Variants in ADGRB3 observed in about 807,000 individuals in gnomAD.
ADGRB3 encodes the protein adhesion G protein-coupled receptor B3.
ADGRB3 carries 37 observed loss-of-function variants against 193.4 expected under a neutral mutation model. The ratio of observed to expected loss-of-function variants is 0.19; its 90% CI spans 0.15 to 0.25. ADGRB3 has a LOEUF of 0.25. Among genes scored for constraint, ADGRB3 ranks in the 10% least tolerant of loss-of-function variants. The probability of loss-of-function intolerance (pLI) is 1.00; values close to 1 mark genes in which losing one functional copy is unlikely to be tolerated. For missense variants in ADGRB3, 1,637 were observed against 1,852.9 expected (o/e 0.88, Z 2.14); for synonymous variants, 690 against 644.2 (o/e 1.07, Z -1.08).
chr6:69,313,686 A>G (rs1768247305), intron 20 of ADGRB3, among the ~76,000 whole-genome samples: 1 of 151,816 alleles, frequency 6.6e-6, no homozygotes, highest in Non-Finnish European at 1.5e-5. Context: ...CTCTACAGAT[A>G]AAGAACATAG....
intron 3 of ADGRB3, among the ~76,000 whole-genome samples, chr6:68,874,931 T>A (rs1765550165): frequency 1.3e-5 from 2 of 152,224 alleles, no homozygotes; most frequent in South Asian, 2.1e-4. Flanking sequence ...GCAAATGCTC[T>A]GGGTGCAGAT....
chr6:69,132,256 G>A (rs575860201), intron 17 of ADGRB3, among the ~76,000 whole-genome samples: 12 of 152,170 alleles, frequency 7.9e-5, no homozygotes, highest in South Asian at 4.1e-4. Context: ...GTGTAAAAGC[G>A]TTCCTATTTC....
chr6:69,202,232 T>G (rs1437494481), intron 17 of ADGRB3, among the ~76,000 whole-genome samples: 1 of 152,174 alleles, frequency 6.6e-6, no homozygotes, highest in Non-Finnish European at 1.5e-5. Flanking sequence ...AGGTTTCCAT[T>G]TGGCTTTTCA....
At chr6:69,050,175 G>T (rs749664458) in intron 15 of ADGRB3, among the ~76,000 whole-genome samples, 1 of 152,022 alleles carries the variant, frequency 6.6e-6, no homozygotes, top group Non-Finnish European at 1.5e-5. Flanking sequence ...GTTATACTGC[G>T]GACAAAACAA....
intron 3 of ADGRB3, among the ~76,000 whole-genome samples, chr6:68,674,750 G>A (rs552643845): frequency 2.2e-4 from 34 of 152,292 alleles, no homozygotes; most frequent in African/African-American, 7.5e-4. Flanking sequence ...GAAGAGAACG[G>A]CATTCATTTG....
At chr6:69,254,841 A>G (rs1006869389) in intron 20 of ADGRB3, among the ~76,000 whole-genome samples, 3 of 142,478 alleles carry the variant, frequency 2.1e-5, no homozygotes, top group East Asian at 2.2e-4. Flanking sequence ...ATATCTCCCA[A>G]TGCTATCCCT....
intron 3 of ADGRB3, among the ~76,000 whole-genome samples, chr6:68,676,502 C>G (rs1291711306): frequency 6.6e-6 from 1 of 151,658 alleles, no homozygotes; most frequent in Non-Finnish European, 1.5e-5. Context: ...ATGGTATTAT[C>G]GTTCCAGAAT....
Position 69,379,437 on chromosome 6 carries a change from C to T in ADGRB3, c.4276-3394C>T, listed in dbSNP as rs562620241. Among the ~76,000 whole-genome samples, 40 of 152,016 alleles carry T rather than the reference C, an allele frequency of 2.6e-4. No homozygotes were observed. In the South Asian group the frequency reaches 7.9e-3, roughly 30 times the overall value. On this transcript the variant is annotated intron_variant, in intron 30 of 31. Coordinates refer to ENST00000370598, the MANE Select transcript of ADGRB3 (RefSeq NM_001704.3). Reference sequence around the variant, plus strand: ...AGCATGAAAACTTCTAAGCAAGTGGCAACTCATTAGAAGCATCAGTGCTAC... The same window carrying T: ...AGCATGAAAACTTCTAAGCAAGTGGTAACTCATTAGAAGCATCAGTGCTAC...
intron 3 of ADGRB3, among the ~76,000 whole-genome samples, chr6:68,825,851 A>C (rs536008432): frequency 1.4e-4 from 21 of 152,202 alleles, no homozygotes; most frequent in Admixed American, 9.8e-4. Context: ...GGAACTGTGA[A>C]TCAATTAAAC....
At chr6:69,034,655 C>CAG (rs140883581) in intron 13 of ADGRB3, among the ~76,000 whole-genome samples, 6 of 147,552 alleles carry the variant, frequency 4.1e-5, no homozygotes, top group African/African-American at 1.3e-4. Context: ...TGGTGAGAGA[C>CAG]AGAGAGAGAG....
intron 16 of ADGRB3, among the ~76,000 whole-genome samples, chr6:69,072,547 T>A (rs1051257014): frequency 2.0e-5 from 3 of 152,174 alleles, no homozygotes; most frequent in African/African-American, 7.2e-5. Context: ...TTTTTTGTTG[T>A]GGCTTACTGT....
At chr6:68,779,228 T>TTGTGTGTGTGTG (rs758753009) in intron 3 of ADGRB3, among the ~76,000 whole-genome samples, 5 of 93,292 alleles carry the variant, frequency 5.4e-5, no homozygotes, top group African/African-American at 1.9e-4. Flanking sequence ...TATGTATATA[T>TTGTGTGTGTGTG]TATGTGTGTG....
chr6:68,940,546 A>AATTTT (rs1199654794), intron 5 of ADGRB3, among the ~76,000 whole-genome samples: 2 of 21,844 alleles, frequency 9.2e-5, no homozygotes, highest in South Asian at 1.6e-3. Context: ...ATGCTTTTGA[A>AATTTT]CTTTTTTTTT....
At chr6:69,195,474 T>C (rs1765275872) in intron 17 of ADGRB3, among the ~76,000 whole-genome samples, 1 of 144,316 alleles carries the variant, frequency 6.9e-6, no homozygotes. Flanking sequence ...GCAATAATCA[T>C]GATGGCACAC....
intron 3 of ADGRB3, among the ~76,000 whole-genome samples, chr6:68,804,203 C>CA (rs2127372421): frequency 6.6e-6 from 1 of 152,314 alleles, no homozygotes; most frequent in African/African-American, 2.4e-5. Context: ...AGAAGGCCTT[C>CA]AAAATGTCAT....
intron 30 of ADGRB3, among the ~76,000 whole-genome samples, chr6:69,379,908 A>C (rs1038650213): frequency 1.3e-5 from 2 of 152,044 alleles, no homozygotes; most frequent in African/African-American, 4.8e-5. Flanking sequence ...TATTCATTTC[A>C]GCGTCCTTCA....
chr6:68,670,355 A>C (rs892123222), intron 3 of ADGRB3, among the ~76,000 whole-genome samples: 9 of 152,100 alleles, frequency 5.9e-5, no homozygotes, highest in African/African-American at 1.9e-4. Context: ...ACCAGTGGCC[A>C]CAAGATTTTC....
At chr6:68,963,440 G>A (rs1768289502) in intron 8 of ADGRB3, among the ~76,000 whole-genome samples, 1 of 151,972 alleles carries the variant, frequency 6.6e-6, no homozygotes, top group Non-Finnish European at 1.5e-5. Context: ...AACTTCTGTG[G>A]CTTTTCATTA....
chr6:68,909,797 C>T (rs950633342), intron 3 of ADGRB3, among the ~76,000 whole-genome samples: 1 of 152,132 alleles, frequency 6.6e-6, no homozygotes, highest in Admixed American at 6.5e-5. Context: ...AAGGGTAACC[C>T]AGTCTATCAT....
Sources: allele counts gnomAD v4.1 joint callset (sites outside exome capture counted in the v4.1 genomes callset), GRCh38; gene constraint gnomAD v4.1.1; transcripts MANE v1.5; gene names NCBI Gene and HGNC (gene_info 2026-07-23, HGNC 2026-07-21).